TRPM4: variants seen among roughly 807,000 people sequenced by gnomAD.
TRPM4 encodes transient receptor potential cation channel subfamily M member 4, also known as calcium-activated non-selective cation channel 1.
TRPM4 carries 124 observed loss-of-function variants against 135.6 expected under a neutral mutation model. That is an observed-to-expected ratio of 0.91 (90% CI 0.79 to 1.06). The LOEUF (loss-of-function observed/expected upper bound fraction) is 1.06, where lower values mean the gene tolerates loss of function less well. Ranked by LOEUF, TRPM4 falls within the 50% of genes least tolerant of loss-of-function variation. TRPM4 has a pLI of 0.00. For synonymous variants in TRPM4, 745 were observed against 705.6 expected (o/e 1.06, Z -0.88); for missense variants, 1,658 against 1,671.4 (o/e 0.99, Z 0.14).
In TRPM4 at chr19:49,211,118, T is replaced by C. The variant is rs776111608; in HGVS notation, c.3534+31T>C. On this transcript the variant is annotated intron_variant, in intron 23 of 24. Coordinates refer to ENST00000252826, the MANE Select transcript of TRPM4 (RefSeq NM_017636.4). This position sits in a 1 kb window ranked among gnomAD's most constrained non-coding sequence, Gnocchi z 4.8. ...GCCTTGGGGCCTGGCTGGGGGACTG[T>C]GGCAGGGGTCCCATCTCCCGCTCTG... The C allele has an allele frequency of 6.8e-6, 11 of 1,612,252 alleles. No homozygotes were observed. The highest frequency in any genetic ancestry group is 3.3e-5 in the Admixed American group (2 of 59,780).
rs529463051 is a variant in TRPM4, at chr19:49,157,986, C to A, written c.24+96C>A. The A allele has an allele frequency of 1.4e-5, 20 of 1,412,470 alleles. No individual in the cohort carries two copies. The Admixed American group carries it at 2.2e-4, about 15-fold the overall frequency. The allele number at this position is 1,412,470 out of a possible 1,614,324, so 87.5% of individuals were successfully genotyped here. On this transcript the variant is annotated intron_variant, in intron 1 of 24. Coordinates refer to ENST00000252826, the MANE Select transcript of TRPM4 (RefSeq NM_017636.4). The stretch of plus-strand genomic sequence containing the variant: ...GCGCTGGACACCCAGATTCCTGGGT[C>A]AGACGGAGGAGGGGGATGGGAGGGT...
At chr19:49,179,444 G>A (rs182689751) in intron 9 of TRPM4, among the ~76,000 whole-genome samples, 4 of 151,980 alleles carry the variant, frequency 2.6e-5, no homozygotes, top group African/African-American at 7.2e-5. Flanking sequence ...TCCACCTCCC[G>A]GGTTCAAGCG....
chr19:49,171,719 C>A lies in TRPM4; in HGVS notation c.1000C>A (p.Arg334=). 1 of 1,613,358 alleles carries A rather than the reference C, an allele frequency of 6.2e-7. No homozygotes were observed. The highest frequency in any genetic ancestry group is 8.5e-7 in the Non-Finnish European group (1 of 1,179,968). ...AGCCAGGCAAGGCGAAGCCCGAGATCGAATCAGGCGTTTCTTTCCCAAAGG... is the reference window on the plus strand; with the variant it reads ...AGCCAGGCAAGGCGAAGCCCGAGATAGAATCAGGCGTTTCTTTCCCAAAGG... ...GGARQGEARD[R]IRRFFPKGDL... The change falls in exon 8 of 25, where the codon CGA becomes AGA. Residue 334 remains arginine (R), a synonymous_variant. Coordinates refer to ENST00000252826, the MANE Select transcript of TRPM4 (RefSeq NM_017636.4). The surrounding 1 kb of genome is among the most constrained non-coding windows in gnomAD (Gnocchi z 4.7).
chr19:49,204,986 T>G (rs1345100632), intron 20 of TRPM4, among the ~76,000 whole-genome samples: 3 of 132,694 alleles, frequency 2.3e-5, no homozygotes, highest in Non-Finnish European at 4.5e-5. Flanking sequence ...TTGGTTGTTT[T>G]TTTTTTTTTT....
intron 15 of TRPM4, 92 bp from the exon 16 acceptor site, chr19:49,190,604 G>C: frequency 7.5e-7 from 1 of 1,324,548 alleles, no homozygotes; most frequent in Middle Eastern, 1.8e-4. Flanking sequence ...CCTCTGCCAT[G>C]TCTCCGGGTG....
intron 12 of TRPM4, among the ~76,000 whole-genome samples, chr19:49,186,002 T>C (rs1968183270): frequency 6.6e-6 from 1 of 151,882 alleles, no homozygotes; most frequent in African/African-American, 2.4e-5. Flanking sequence ...CCACCCACCT[T>C]GGCCTCCCAA....
chr19:49,191,212 T>C (rs1282982777), intron 16 of TRPM4, among the ~76,000 whole-genome samples: 4 of 152,226 alleles, frequency 2.6e-5, no homozygotes, highest in African/African-American at 9.6e-5. Context: ...TGTTCTTTTT[T>C]TCTTTTTTTT....
At chr19:49,175,562 CG>C (rs1967655214) in intron 9 of TRPM4, among the ~76,000 whole-genome samples, 1 of 151,898 alleles carries the variant, frequency 6.6e-6, no homozygotes, top group African/African-American at 2.4e-5. Context: ...CCCAGATACA[CG>C]GTGGCAATAT....
chr19:49,180,833 C>CTAT (rs1474647854), intron 9 of TRPM4, among the ~76,000 whole-genome samples: 3 of 151,992 alleles, frequency 2.0e-5, no homozygotes, highest in Non-Finnish European at 4.4e-5. Flanking sequence ...GTACATCCAT[C>CTAT]TATCCATCCA....
intron 20 of TRPM4, 70 bp downstream of exon 20, chr19:49,202,211 C>T (rs1035685897): frequency 6.5e-7 from 1 of 1,541,032 alleles, no homozygotes; most frequent in Non-Finnish European, 8.9e-7. Context: ...ACTCTTGAAC[C>T]CCGTCTAATG....
rs1272529641 is a variant in TRPM4, at chr19:49,211,276, G to A, written c.3640+7G>A. 1.9e-6 allele frequency: 3 copies of A among 1,579,710 alleles called. No homozygotes were observed. The highest frequency in any genetic ancestry group is 3.7e-5 in the Admixed American group (2 of 53,898). On this transcript the variant is annotated splice_region_variant and intron_variant, in intron 24 of 24. Coordinates refer to ENST00000252826, the MANE Select transcript of TRPM4 (RefSeq NM_017636.4). This position sits in a 1 kb window ranked among gnomAD's most constrained non-coding sequence, Gnocchi z 4.8. ...GACCTGCCTGGGTCCAAAGGTCAGT[G>A]TGTAGCATCAGCCTGTGCATCTCCA...
At chr19:49,206,861 A>G (rs939314644) in intron 20 of TRPM4, among the ~76,000 whole-genome samples, 14 of 152,236 alleles carry the variant, frequency 9.2e-5, no homozygotes, top group African/African-American at 1.4e-4. Context: ...TCAGGCTACA[A>G]ATTGTTCACC....
intron 17 of TRPM4, among the ~76,000 whole-genome samples, chr19:49,198,504 C>T (rs950694649): frequency 6.6e-6 from 1 of 151,756 alleles, no homozygotes; most frequent in Non-Finnish European, 1.5e-5. Context: ...AAAAATTAGC[C>T]GGGCATGGTG....
intron 2 of TRPM4, among the ~76,000 whole-genome samples, chr19:49,164,172 G>A (rs1568455136): frequency 6.6e-6 from 1 of 151,914 alleles, no homozygotes; most frequent in African/African-American, 2.4e-5. Context: ...CTGGAACAAA[G>A]AATTTAGATA....
chr19:49,182,941 T>C lies in TRPM4; in HGVS notation c.1608+19T>C, dbSNP rs1968047373. 2.5e-6 allele frequency: 4 copies of C among 1,583,166 alleles called. No homozygotes were observed. Among genetic ancestry groups the C allele is most frequent in the African/African-American group, 1.3e-5 (1 of 74,376 alleles). On this transcript the variant is annotated intron_variant, in intron 11 of 24. Transcript: ENST00000252826. ...GGAGAGCGTAAGGACCGGGCAAAGC[T>C]GGGGGGCCCCCCCGCGCGGGAAGGA...
intron 20 of TRPM4, among the ~76,000 whole-genome samples, chr19:49,205,378 G>A (rs1249483929): frequency 6.6e-6 from 1 of 151,920 alleles, no homozygotes; most frequent in Non-Finnish European, 1.5e-5. Context: ...TTAATAAAAC[G>A]TTACTTAAAT....
intron 2 of TRPM4, among the ~76,000 whole-genome samples, chr19:49,165,414 A>T (rs1419526870): frequency 6.6e-6 from 1 of 152,166 alleles, no homozygotes; most frequent in Non-Finnish European, 1.5e-5. Flanking sequence ...TGAAAAAGGA[A>T]TGACTTTCTC....
intron 9 of TRPM4, among the ~76,000 whole-genome samples, chr19:49,175,840 G>A (rs965193415): frequency 2.0e-5 from 3 of 149,032 alleles, no homozygotes; most frequent in African/African-American, 7.4e-5. Flanking sequence ...TGTTAGCCAG[G>A]ATGGTCTCGA....
At position 49,165,750 on chromosome 19, in the gene TRPM4, A is replaced by G. The variant is rs188524983; in HGVS notation, c.93-291A>G. Among the ~76,000 whole-genome samples the G allele has an allele frequency of 2.2e-3, 342 of 152,272 alleles. 2 individuals are homozygous for G. The highest frequency in any genetic ancestry group is 7.8e-3 in the African/African-American group (323 of 41,566). On this transcript the variant is annotated intron_variant, in intron 2 of 24. Coordinates refer to ENST00000252826, the MANE Select transcript of TRPM4 (RefSeq NM_017636.4). ...CACAGGGCACAGCAAGGATACCCCC[A>G]GTGGCCCTCTGCCTTCCCACTTGAG...
Sources: allele counts gnomAD v4.1 joint callset (sites outside exome capture counted in the v4.1 genomes callset), GRCh38; gene constraint gnomAD v4.1.1; non-coding constraint Gnocchi (gnomAD v3.1); transcripts MANE v1.5; gene names NCBI Gene and HGNC (gene_info 2026-07-23, HGNC 2026-07-21).